Variants in SUPT5H observed in about 807,000 individuals in gnomAD.
The protein encoded by SUPT5H is transcription elongation factor SPT5.
SUPT5H carries 24 observed loss-of-function variants against 142.5 expected under a neutral mutation model. The observed-to-expected ratio is 0.17, with a 90% CI of 0.12 to 0.24. The LOEUF is 0.24. SUPT5H is among the 10% of genes least tolerant of loss of function. The probability of loss-of-function intolerance (pLI) is 1.00; values close to 1 mark genes in which losing one functional copy is unlikely to be tolerated. For missense variants in SUPT5H, 893 were observed against 1,471.8 expected (o/e 0.61, Z 6.43); for synonymous variants, 546 against 553.0 (o/e 0.99, Z 0.18).
chr19:39,465,234 C>T (rs1261400260), intron 11 of SUPT5H, among the ~76,000 whole-genome samples, 185 bp downstream of exon 11: 2 of 152,124 alleles, frequency 1.3e-5, no homozygotes, highest in Non-Finnish European at 1.5e-5. Context: ...CATTCCCAGG[C>T]GTGTTGAGTA....
At chr19:39,461,189 C>G (rs2079156334) in intron 10 of SUPT5H, among the ~76,000 whole-genome samples, 1 of 152,060 alleles carries the variant, frequency 6.6e-6, no homozygotes, top group Non-Finnish European at 1.5e-5. Context: ...ACTTGGGAGG[C>G]TGAGGCAGGA....
At chr19:39,457,879 CAG>C (rs747752538) in intron 4 of SUPT5H, 139 bp downstream of exon 4, 3 of 1,430,602 alleles carry the variant, frequency 2.1e-6, no homozygotes, top group Non-Finnish European at 2.9e-6. Flanking sequence ...CTGTCCTTCC[CAG>C]AGAGACCAGC....
intron 18 of SUPT5H, 98 bp from the exon 19 acceptor site, chr19:39,471,259 T>A: frequency 7.0e-7 from 1 of 1,432,666 alleles, no homozygotes. Flanking sequence ...CTTGGGACTG[T>A]CTCCCACAAG....
At position 39,458,697 on chromosome 19, in the gene SUPT5H, T is replaced by C. The variant is rs2079123085; in HGVS notation, c.320-121T>C. ...GGATGAGGGGTTGGGATTTCCTCTG[T>C]GAGATGTCATCTTCCTGCCCCAGGG... On this transcript the variant is annotated intron_variant, in intron 5 of 29. Coordinates refer to ENST00000432763, the MANE Select transcript of SUPT5H (RefSeq NM_001111020.3). The surrounding 1 kb of genome is among the most constrained non-coding windows in gnomAD (Gnocchi z 4.2). The C allele has an allele frequency of 1.1e-6, 1 of 909,592 alleles. No homozygotes were observed. Among genetic ancestry groups the C allele is most frequent in the Non-Finnish European group, 1.7e-6 (1 of 601,308 alleles). 56.3% of individuals were successfully genotyped at this position (909,592 alleles called of 1,614,324 possible).
At chr19:39,446,710 A>G (rs1027713262) in intron 2 of SUPT5H, among the ~76,000 whole-genome samples, 12 of 152,206 alleles carry the variant, frequency 7.9e-5, no homozygotes, top group African/African-American at 2.4e-4. Context: ...ACAAAAATAT[A>G]AAAACCATTG....
intron 8 of SUPT5H, 109 bp downstream of exon 8, chr19:39,459,358 C>T (rs2079131790): frequency 7.1e-7 from 1 of 1,406,532 alleles, no homozygotes. Flanking sequence ...GTCACACAGG[C>T]AGTGTGGTGG....
At chr19:39,449,566 T>C (rs1385344791) in intron 2 of SUPT5H, among the ~76,000 whole-genome samples, 1 of 151,752 alleles carries the variant, frequency 6.6e-6, no homozygotes, top group Non-Finnish European at 1.5e-5. Flanking sequence ...GCCCAGAGAA[T>C]TGTGAGCATA....
At position 39,472,333 on chromosome 19, in the gene SUPT5H, C is replaced by T. The variant is rs1013819758; in HGVS notation, c.1951-76C>T. The T allele has an allele frequency of 1.6e-5, 23 of 1,445,274 alleles. No individual in the cohort carries two copies. Among genetic ancestry groups the T allele is most frequent in the African/African-American group, 2.8e-5 (2 of 71,498 alleles). The allele number at this position is 1,445,274 out of a possible 1,614,324, so 89.5% of individuals were successfully genotyped here. A position where few individuals can be genotyped will look rare whatever the true frequency, so the allele number is the denominator to read the frequency against. On this transcript the variant is annotated intron_variant, in intron 20 of 29. Coordinates refer to ENST00000432763, the MANE Select transcript of SUPT5H (RefSeq NM_001111020.3). The surrounding 1 kb of genome is among the most constrained non-coding windows in gnomAD (Gnocchi z 4.2). ...TGGGTGGTCTCCTCAGGGCCCTGCA[C>T]GTGGGATGATGAGTTCCTGTGGTTT... is the stretch of plus-strand genomic sequence containing the variant.
chr19:39,474,886 T>A lies in SUPT5H; in HGVS notation c.3024+168T>A. 1 of 735,758 alleles carries A rather than the reference T, an allele frequency of 1.4e-6. No individual in the cohort carries two copies. The highest frequency in any genetic ancestry group is 2.2e-6 in the Non-Finnish European group (1 of 455,758). 45.6% of individuals were successfully genotyped at this position (735,758 alleles called of 1,614,324 possible). On this transcript the variant is annotated intron_variant, in intron 28 of 29. Coordinates refer to ENST00000432763, the MANE Select transcript of SUPT5H (RefSeq NM_001111020.3). This position sits in a 1 kb window ranked among gnomAD's most constrained non-coding sequence, Gnocchi z 6.5. ...GTGAACCCAAAGGAGGCATCTTACC[T>A]GATTTAGCGGGGAATCAGGGAGGGC...
chr19:39,450,004 C>T (rs2079001433), intron 2 of SUPT5H, among the ~76,000 whole-genome samples: 1 of 147,152 alleles, frequency 6.8e-6, no homozygotes, highest in Admixed American at 6.9e-5. Context: ...GTGGTGTGAT[C>T]TCGACTCACT....
intron 8 of SUPT5H, 52 bp downstream of exon 8, chr19:39,459,301 G>A: frequency 6.5e-7 from 1 of 1,546,368 alleles, no homozygotes; most frequent in Non-Finnish European, 8.8e-7. Flanking sequence ...TCTTGTATGG[G>A]GTGATGGTGC....
Position 39,466,404 on chromosome 19 carries a change from C to A in SUPT5H, c.877-76C>A. ...ATCCTGCGTCCCTTCTCCTTCCTAG[C>A]ATCTCCTGACCCTTCTTGTGTCTGG... On this transcript the variant is annotated intron_variant, in intron 11 of 29. Coordinates refer to ENST00000432763, the MANE Select transcript of SUPT5H (RefSeq NM_001111020.3). This position sits in a 1 kb window ranked among gnomAD's most constrained non-coding sequence, Gnocchi z 4.3. 2 of 1,375,600 alleles carry A rather than the reference C, an allele frequency of 1.5e-6. No individual in the cohort carries two copies. The highest frequency in any genetic ancestry group is 2.1e-6 in the Non-Finnish European group (2 of 967,140). 85.2% of individuals were successfully genotyped at this position (1,375,600 alleles called of 1,614,324 possible).
rs373628365 is a variant in SUPT5H at position 39,464,842 on chromosome 19, C to G, written c.669C>G (p.Gly223=). 5.6e-6 allele frequency: 9 copies of G among 1,614,010 alleles called. No individual in the cohort carries two copies. Among genetic ancestry groups the G allele is most frequent in the Non-Finnish European group, 7.6e-6 (9 of 1,179,906 alleles). Residue 223 remains glycine, a synonymous_variant, in exon 11 of 30, where the codon GGC becomes GGG. Transcript: ENST00000432763. ...TAGTGGCACCAGAGCATGTGAAGGG[C>G]TACATCTACGTGGAGGCCTACAAGC... is the stretch of plus-strand genomic sequence containing the variant. ...KSVVAPEHVK[G]YIYVEAYKQT... is the part of the protein sequence containing the mutation.
intron 10 of SUPT5H, among the ~76,000 whole-genome samples, chr19:39,464,072 C>T (rs1166857320): frequency 6.6e-6 from 1 of 151,710 alleles, no homozygotes; most frequent in African/African-American, 2.4e-5. Context: ...CAACCTCCAC[C>T]TCCCGGGTTC....
intron 2 of SUPT5H, 91 bp downstream of exon 2, chr19:39,446,056 C>T: frequency 1.2e-5 from 16 of 1,346,560 alleles, no homozygotes; most frequent in Non-Finnish European, 1.4e-5. Context: ...GGGTTCACAG[C>T]GGGCTCTGGC....
At position 39,474,809 on chromosome 19, in the gene SUPT5H, C is replaced by T. The variant is rs117530152; in HGVS notation, c.3024+91C>T. On this transcript the variant is annotated intron_variant, in intron 28 of 29. Coordinates refer to ENST00000432763, the MANE Select transcript of SUPT5H (RefSeq NM_001111020.3). The surrounding 1 kb of genome is among the most constrained non-coding windows in gnomAD (Gnocchi z 6.5). ...AGACCTGTCCCCAGATGGTGACAGC[C>T]CAGAGTGGGCAGAGCTGGGATTGAG... The T allele has an allele frequency of 7.2e-7, 1 of 1,392,582 alleles. No homozygotes were observed. Among genetic ancestry groups the T allele is most frequent in the Admixed American group, 2.0e-5 (1 of 48,966 alleles). 86.3% of individuals were successfully genotyped at this position (1,392,582 alleles called of 1,614,324 possible). A position where few individuals can be genotyped will look rare whatever the true frequency, so the allele number is the denominator to read the frequency against.
chr19:39,453,880 C>T lies in SUPT5H; in HGVS notation c.241+359C>T, dbSNP rs529051310. 8.5e-5 allele frequency among the ~76,000 whole-genome samples: 13 copies of T among 152,292 alleles called. No homozygotes were observed. The East Asian group carries it at 1.5e-3, about 18-fold the overall frequency. ...AAAGTTCTTAACTTTTCTCGTGCTA[C>T]GGCCCCTTCTGTAGTCTGGTGAAAC... On this transcript the variant is annotated intron_variant, in intron 3 of 29. Coordinates refer to ENST00000432763, the MANE Select transcript of SUPT5H (RefSeq NM_001111020.3).
At chr19:39,446,374 C>T (rs2078954619) in intron 2 of SUPT5H, among the ~76,000 whole-genome samples, 1 of 151,952 alleles carries the variant, frequency 6.6e-6, no homozygotes, top group Admixed American at 6.6e-5. Flanking sequence ...ATAAATATAG[C>T]CAAGGAATAA....
At position 39,470,292 on chromosome 19, in the gene SUPT5H, T is replaced by TC. The variant is rs2079301629; in HGVS notation, c.1530+19dup. ...TGCATGAGGTAGGTGGATAGAAGGG[T>TC]CGGGGAAGGGTGCACGTGCCAAGAG... On this transcript the variant is annotated intron_variant, in intron 17 of 29. Coordinates refer to ENST00000432763, the MANE Select transcript of SUPT5H (RefSeq NM_001111020.3). This position sits in a 1 kb window ranked among gnomAD's most constrained non-coding sequence, Gnocchi z 5.8. 1 of 1,554,566 alleles carries TC rather than the reference T, an allele frequency of 6.4e-7. No individual in the cohort carries two copies.
Sources: gnomAD v4.1 joint callset for allele counts (sites outside exome capture counted in the v4.1 genomes callset) on GRCh38, gnomAD v4.1.1 for gene constraint, Gnocchi (gnomAD v3.1) non-coding constraint, MANE v1.5 for transcripts, NCBI Gene and HGNC (gene_info 2026-07-23, HGNC 2026-07-21) for gene names.